Variants in NEXMIF observed in about 807,000 individuals in gnomAD.
The protein encoded by NEXMIF is XLMR protein related to neurite extension.
In NEXMIF, 8 loss-of-function variants were observed where a neutral mutation model predicts 62.1. The ratio of observed to expected loss-of-function variants is 0.13; its 90% CI spans 0.08 to 0.23. The LOEUF is 0.23. NEXMIF is among the 10% of genes least tolerant of loss of function. NEXMIF has a pLI of 1.00. For synonymous variants in NEXMIF, 404 were observed against 416.6 expected, an observed-to-expected ratio of 0.97 and a Z score of 0.37; for missense variants, 976 against 1,113.3, an observed-to-expected ratio of 0.88 and a Z score of 1.75.
At chrX:74,783,749 G>A (rs988908322) in intron 1 of NEXMIF, among the ~76,000 whole-genome samples, 5 of 111,754 alleles carry the variant, frequency 4.5e-5, no homozygotes, top group African/African-American at 1.6e-4. Flanking sequence ...GCTTACAGCA[G>A]CTAAAATGCT....
intron 1 of NEXMIF, among the ~76,000 whole-genome samples, chrX:74,792,419 T>C (rs1244303874): frequency 9.4e-6 from 1 of 106,049 alleles, no homozygotes; most frequent in African/African-American, 3.4e-5. Flanking sequence ...TTGGAATAGG[T>C]GTGGCGTGGT....
At chrX:74,749,865 T>C (rs1023268713) in intron 1 of NEXMIF, among the ~76,000 whole-genome samples, 1 of 112,101 alleles carries the variant, frequency 8.9e-6, no homozygotes, top group South Asian at 3.7e-4. Context: ...GCTTATAACA[T>C]GGTATGTACT....
intron 1 of NEXMIF, among the ~76,000 whole-genome samples, chrX:74,910,099 G>A (rs898049311): frequency 1.8e-5 from 2 of 112,374 alleles, no homozygotes. Flanking sequence ...CTGGGGCACT[G>A]CCTAGTGGAG....
chrX:74,800,161 C>A (rs2080325074), intron 1 of NEXMIF, among the ~76,000 whole-genome samples: 1 of 111,666 alleles, frequency 9.0e-6, no homozygotes, highest in Non-Finnish European at 1.9e-5. Context: ...TGAAACTACA[C>A]AAAGTATCCA....
intron 1 of NEXMIF, among the ~76,000 whole-genome samples, chrX:74,854,216 A>C (rs1434720270): frequency 8.9e-6 from 1 of 112,324 alleles, no homozygotes; most frequent in East Asian, 2.8e-4. Flanking sequence ...CACATGAAAA[A>C]GATAATACAC....
chrX:74,742,085 C>T lies in NEXMIF; in HGVS notation c.2472G>A (p.Leu824=), dbSNP rs2147440186. Residue 824 remains leucine, a synonymous_variant, in exon 3 of 4, where the codon TTG becomes TTA. Coordinates refer to ENST00000055682, the MANE Select transcript of NEXMIF (RefSeq NM_001008537.3). ...AGTATGAGATACTAGTGTTATTTGACAAGTCAGAAGCATCTAACAATGTCT... is the reference window on the plus strand; with the variant it reads ...AGTATGAGATACTAGTGTTATTTGATAAGTCAGAAGCATCTAACAATGTCT... ...YLQTLLDASD[L]SNNTSISYFS... The T allele has an allele frequency of 2.5e-6, 3 of 1,211,090 alleles. No homozygotes were observed. Among genetic ancestry groups the T allele is most frequent in the Non-Finnish European group, 2.2e-6 (2 of 895,015 alleles).
chrX:74,876,485 G>C (rs1302419780), intron 1 of NEXMIF, among the ~76,000 whole-genome samples: 3 of 110,599 alleles, frequency 2.7e-5, no homozygotes, highest in African/African-American at 9.9e-5. Context: ...GGGGTGGAGA[G>C]TTCTGTAGAT....
At chrX:74,817,308 C>T (rs1217577523) in intron 1 of NEXMIF, among the ~76,000 whole-genome samples, 2 of 111,718 alleles carry the variant, frequency 1.8e-5, no homozygotes, top group Non-Finnish European at 3.8e-5. Context: ...TCTTAAACTG[C>T]CGGTTCCTAT....
chrX:74,846,262 C>T (rs947195902), intron 1 of NEXMIF, among the ~76,000 whole-genome samples: 7 of 111,921 alleles, frequency 6.3e-5, no homozygotes, highest in African/African-American at 2.3e-4. Flanking sequence ...ATAAAAACAC[C>T]TATCACTGTA....
At chrX:74,875,781 T>C (rs1396708677) in intron 1 of NEXMIF, among the ~76,000 whole-genome samples, 1 of 112,181 alleles carries the variant, frequency 8.9e-6, no homozygotes, top group Non-Finnish European at 1.9e-5. Context: ...TTTATTTGTG[T>C]AGAGGTGTTT....
intron 1 of NEXMIF, among the ~76,000 whole-genome samples, chrX:74,834,437 C>T (rs779877108): frequency 5.4e-5 from 6 of 111,689 alleles, no homozygotes; most frequent in Admixed American, 1.9e-4. Flanking sequence ...TGCTCATTGA[C>T]ATCCTTTTAT....
At chrX:74,868,412 G>A (rs970986183) in intron 1 of NEXMIF, among the ~76,000 whole-genome samples, 1 of 111,816 alleles carries the variant, frequency 8.9e-6, no homozygotes, top group Non-Finnish European at 1.9e-5. Context: ...TAAAGAAAAT[G>A]TGGTATATAT....
intron 1 of NEXMIF, among the ~76,000 whole-genome samples, chrX:74,791,866 TTTTC>T (rs1569343914): frequency 1.8e-5 from 2 of 111,228 alleles, no homozygotes; most frequent in Non-Finnish European, 3.8e-5. Context: ...ATTCTTCTTT[TTTTC>T]TTTATTAGTC....
intron 1 of NEXMIF, among the ~76,000 whole-genome samples, chrX:74,828,785 C>A (rs774049851): frequency 8.9e-6 from 1 of 111,797 alleles, no homozygotes; most frequent in East Asian, 2.8e-4. Flanking sequence ...CTTAAAAAAG[C>A]AAAGAAAATT....
At chrX:74,818,340 T>C (rs772327418) in intron 1 of NEXMIF, among the ~76,000 whole-genome samples, 1 of 111,245 alleles carries the variant, frequency 9.0e-6, no homozygotes, top group South Asian at 3.8e-4. Context: ...CCATCTGATC[T>C]TCAACAGTGT....
chrX:74,845,797 TA>T (rs1235726039), intron 1 of NEXMIF, among the ~76,000 whole-genome samples: 121 of 105,728 alleles, frequency 1.1e-3, no homozygotes, highest in Non-Finnish European at 1.7e-3. Context: ...CCAAGAGAAT[TA>T]AAAAAAAAAC....
rs1258552998 is a variant in NEXMIF, at chrX:74,742,826, T to C, written c.1731A>G (p.Lys577=). ...TVNLSENQLN[K]YAKLAPLKGF... ...CTTTCAAGGGTGCCAGCTTGGCATA[T>C]TTGTTGAGCTGATTCTCACTCAAAT... is the stretch of plus-strand genomic sequence containing the variant. The change falls in exon 3 of 4, where the codon AAA becomes AAG. Residue 577 remains lysine (K), a synonymous_variant. Coordinates refer to ENST00000055682, the MANE Select transcript of NEXMIF (RefSeq NM_001008537.3). 2 of 1,211,449 alleles carry C rather than the reference T, an allele frequency of 1.7e-6. No individual in the cohort carries two copies. The highest frequency in any genetic ancestry group is 4.4e-5 in the Admixed American group (2 of 45,962).
intron 1 of NEXMIF, among the ~76,000 whole-genome samples, chrX:74,878,271 G>A (rs752925433): frequency 8.9e-6 from 1 of 111,795 alleles, no homozygotes; most frequent in South Asian, 3.7e-4. Context: ...GTCTGCCCCT[G>A]CTCGGGTGTG....
At chrX:74,758,322 T>C (rs2080165205) in intron 1 of NEXMIF, among the ~76,000 whole-genome samples, 1 of 111,792 alleles carries the variant, frequency 8.9e-6, no homozygotes, top group Non-Finnish European at 1.9e-5. Context: ...AGAATGAATA[T>C]ATGTTCTAAT....
Sources: gnomAD v4.1 joint callset for allele counts (sites outside exome capture counted in the v4.1 genomes callset) on GRCh38, gnomAD v4.1.1 for gene constraint, MANE v1.5 for transcripts, NCBI Gene and HGNC (gene_info 2026-07-23, HGNC 2026-07-21) for gene names.